The following GPM6A variants were observed in gnomAD, a reference collection of about 807,000 sequenced individuals.
GPM6A encodes the protein neuronal membrane glycoprotein M6-a.
GPM6A carries 7 observed loss-of-function variants against 32.1 expected under a neutral mutation model. The ratio of observed to expected loss-of-function variants is 0.22; its 90% CI spans 0.12 to 0.41. GPM6A has a LOEUF of 0.41. GPM6A is among the 10% of genes least tolerant of loss of function. The pLI is 1.00. For synonymous variants in GPM6A, 130 were observed against 123.4 expected, an observed-to-expected ratio of 1.05 and a Z score of -0.35; for missense variants, 235 against 347.2, an observed-to-expected ratio of 0.68 and a Z score of 2.57.
intron 2 of GPM6A, among the ~76,000 whole-genome samples, chr4:175,680,655 C>T (rs1743631406): frequency 6.6e-6 from 1 of 152,134 alleles, no homozygotes; most frequent in South Asian, 2.1e-4. Context: ...AAAGTCAAAT[C>T]TATACAAAAG....
At chr4:175,801,034 C>A in intron 1 of GPM6A, 1 of 166,360 alleles carries the variant, frequency 6.0e-6, no homozygotes. Context: ...TAACAAGCCT[C>A]CCAAGTATTG....
At chr4:175,954,452 C>T (rs116597404) in intron 1 of GPM6A, among the ~76,000 whole-genome samples, 2,550 of 152,216 alleles carry the variant, frequency 0.017, 65 homozygotes, top group African/African-American at 0.057. Flanking sequence ...GTTTCCTCAC[C>T]TGAAAAATGA....
intron 1 of GPM6A, among the ~76,000 whole-genome samples, chr4:175,951,083 T>C (rs1561008503): frequency 6.6e-6 from 1 of 152,098 alleles, no homozygotes; most frequent in South Asian, 2.1e-4. Flanking sequence ...GGGAATTTCA[T>C]CTCTGCAACC....
chr4:175,984,316 C>T (rs536542076), intron 1 of GPM6A, among the ~76,000 whole-genome samples: 4 of 152,230 alleles, frequency 2.6e-5, no homozygotes, highest in South Asian at 2.1e-4. Context: ...GTGCGTTCCA[C>T]CACGCCCGGC....
chr4:175,794,127 C>A (rs1734119114), intron 1 of GPM6A, among the ~76,000 whole-genome samples: 1 of 152,190 alleles, frequency 6.6e-6, no homozygotes, highest in Non-Finnish European at 1.5e-5. Flanking sequence ...GCAACTTCAC[C>A]ACTTACTGCT....
intron 1 of GPM6A, among the ~76,000 whole-genome samples, chr4:175,920,132 T>A (rs1266429029): frequency 6.6e-6 from 1 of 152,230 alleles, no homozygotes; most frequent in Admixed American, 6.5e-5. Context: ...GTTTCTATGC[T>A]TGTGAACAGA....
At chr4:175,713,694 T>C (rs1204783839) in intron 1 of GPM6A, among the ~76,000 whole-genome samples, 1 of 152,188 alleles carries the variant, frequency 6.6e-6, no homozygotes, top group Middle Eastern at 3.2e-3. Flanking sequence ...ATTGTAGTCA[T>C]GGCTATAATA....
chr4:175,940,712 G>A (rs1040100145), intron 1 of GPM6A, among the ~76,000 whole-genome samples: 8 of 151,908 alleles, frequency 5.3e-5, no homozygotes, highest in South Asian at 2.1e-4. Context: ...AGATTCAAGC[G>A]ATTCTCCTGC....
intron 1 of GPM6A, among the ~76,000 whole-genome samples, chr4:175,803,523 A>C (rs923274536): frequency 7.2e-5 from 11 of 152,028 alleles, no homozygotes; most frequent in Admixed American, 2.0e-4. Context: ...CATTTACTCA[A>C]CTCCTAGTAT....
chr4:175,874,605 AG>A (rs1469105315), intron 1 of GPM6A, among the ~76,000 whole-genome samples: 1 of 152,152 alleles, frequency 6.6e-6, no homozygotes, highest in Non-Finnish European at 1.5e-5. Flanking sequence ...GGCGAGAAAA[AG>A]GTCAATGGAA....
At chr4:175,718,055 A>T (rs552563639) in intron 1 of GPM6A, among the ~76,000 whole-genome samples, 1 of 152,306 alleles carries the variant, frequency 6.6e-6, no homozygotes, top group Admixed American at 6.5e-5. Context: ...TTATTGAGAA[A>T]TTTTCTTAAA....
At chr4:175,770,952 A>C (rs1327589483) in intron 1 of GPM6A, among the ~76,000 whole-genome samples, 2 of 152,198 alleles carry the variant, frequency 1.3e-5, no homozygotes, top group African/African-American at 4.8e-5. Flanking sequence ...GGCTTCCTGC[A>C]CCTTCTGAGA....
intron 1 of GPM6A, among the ~76,000 whole-genome samples, chr4:175,909,610 C>A (rs1247966820): frequency 6.6e-6 from 1 of 152,092 alleles, no homozygotes; most frequent in Non-Finnish European, 1.5e-5. Context: ...CATTTTAACA[C>A]CATGTGGCAT....
chr4:175,923,678 C>T (rs1281190259), intron 1 of GPM6A, among the ~76,000 whole-genome samples: 1 of 152,024 alleles, frequency 6.6e-6, no homozygotes, highest in Non-Finnish European at 1.5e-5. Context: ...CTCAGCCTCC[C>T]AAGTAGCTGA....
intron 1 of GPM6A, among the ~76,000 whole-genome samples, chr4:175,844,869 G>C (rs1189403295): frequency 6.6e-6 from 1 of 152,160 alleles, no homozygotes; most frequent in East Asian, 1.9e-4. Flanking sequence ...TTAAAACTCT[G>C]TTTAGACAAT....
At chr4:175,819,905 T>C (rs1222601755) in intron 1 of GPM6A, among the ~76,000 whole-genome samples, 2 of 152,160 alleles carry the variant, frequency 1.3e-5, no homozygotes, top group Non-Finnish European at 2.9e-5. Flanking sequence ...GAAGAAATGA[T>C]TCTCATACTC....
intron 1 of GPM6A, chr4:175,787,297 C>A: frequency 8.4e-7 from 1 of 1,183,510 alleles, no homozygotes; most frequent in East Asian, 2.5e-5. Context: ...TCAATAGTTT[C>A]ACTGATAATA....
chr4:175,929,787 TATATAA>T, intron 1 of GPM6A, among the ~76,000 whole-genome samples: 1 of 152,280 alleles, frequency 6.6e-6, no homozygotes, highest in African/African-American at 2.4e-5. Flanking sequence ...GTGGGAGAAG[TATATAA>T]ACTATTAAAT....
chr4:175,676,804 G>A (rs1560868756), intron 2 of GPM6A, among the ~76,000 whole-genome samples: 3 of 152,128 alleles, frequency 2.0e-5, no homozygotes, highest in African/African-American at 7.2e-5. Flanking sequence ...ATTAATGTAT[G>A]TTAATGAGTA....
Sources: allele counts gnomAD v4.1 joint callset (sites outside exome capture counted in the v4.1 genomes callset), GRCh38; gene constraint gnomAD v4.1.1; transcripts MANE v1.5; gene names NCBI Gene and HGNC (gene_info 2026-07-23, HGNC 2026-07-21).